The following CLNS1A variants were observed in gnomAD, a reference collection of about 807,000 sequenced individuals.
CLNS1A encodes chloride nucleotide-sensitive channel 1A.
A neutral mutation model predicts 29.4 loss-of-function variants in CLNS1A; 16 were observed. The observed-to-expected ratio is 0.54, with a 90% confidence interval of 0.37 to 0.83. CLNS1A has a LOEUF of 0.83. Among genes scored for constraint, CLNS1A ranks in the 40% least tolerant of loss-of-function variants. The probability of loss-of-function intolerance (pLI) is 0.00; values close to 1 mark genes in which losing one functional copy is unlikely to be tolerated. For missense variants in CLNS1A, 235 were observed against 287.4 expected (o/e 0.82, Z 1.32); for synonymous variants, 96 against 104.8 (o/e 0.92, Z 0.51).
intron 6 of CLNS1A, among the ~76,000 whole-genome samples, chr11:77,617,326 C>T (rs1181791178): frequency 7.3e-6 from 1 of 137,772 alleles, no homozygotes; most frequent in East Asian, 2.1e-4. Context: ...CCGATTGCAC[C>T]ATTGCACTCC....
rs541462844 is a variant in CLNS1A at position 77,615,915 on chromosome 11, T to C, written c.*803A>G. ...ATGAAAACTAAAAATTGAGAGTTGATAAATATAAGAAATTACTGCTGATCT... is the reference window on the plus strand; with the variant it reads ...ATGAAAACTAAAAATTGAGAGTTGACAAATATAAGAAATTACTGCTGATCT... On this transcript the variant is annotated 3_prime_UTR_variant, in exon 7 of 7. Coordinates refer to ENST00000525428, the MANE Select transcript of CLNS1A (RefSeq NM_001293.3). The C allele has an allele frequency of 6.6e-6, 1 of 152,312 alleles. No homozygotes were observed. Among genetic ancestry groups the C allele is most frequent in the Non-Finnish European group, 1.5e-5 (1 of 68,018 alleles). 9.4% of individuals were successfully genotyped at this position (152,312 alleles called of 1,614,324 possible).
In CLNS1A at chr11:77,619,767, TACC is replaced by T; in HGVS notation, c.647-75_647-73del. ...ACAGGTAGATTCAACTTATAACTTC[TACC>T]AGAAGGAAGCTAGTGCCCTCTGCTG... On this transcript the variant is annotated intron_variant, in intron 5 of 6. Transcript: ENST00000525428. 3.7e-6 allele frequency: 4 copies of T among 1,076,888 alleles called. No individual in the cohort carries two copies. The South Asian group carries it at 3.8e-5, about 10-fold the overall frequency. The allele number at this position is 1,076,888 out of a possible 1,614,324, so 66.7% of individuals were successfully genotyped here. A position where few individuals can be genotyped will look rare whatever the true frequency, so the allele number is the denominator to read the frequency against.
chr11:77,626,638 CAAA>C (rs1224535034), intron 2 of CLNS1A, among the ~76,000 whole-genome samples: 1 of 133,468 alleles, frequency 7.5e-6, no homozygotes, highest in Non-Finnish European at 1.6e-5. Flanking sequence ...GACTCCATCA[CAAA>C]AAAAAAAAAT....
chr11:77,625,540 A>G (rs1959007819), intron 3 of CLNS1A, 177 bp downstream of exon 3: 1 of 564,238 alleles, frequency 1.8e-6, no homozygotes, highest in African/African-American at 1.9e-5. Flanking sequence ...ACAACCTTTG[A>G]TATTAATAGG....
At position 77,632,029 on chromosome 11, in the gene CLNS1A, G is replaced by A. The variant is rs531784806; in HGVS notation, c.126-2130C>T. 5.4e-4 allele frequency among the ~76,000 whole-genome samples: 82 copies of A among 152,288 alleles called. 1 individual carries two copies. The highest frequency in any genetic ancestry group is 9.6e-4 in the East Asian group (5 of 5,190). ...CAGTATTACAGGCGTGAGCCACTGCGCCTGGCCTAAAAGTGATAAATCTTA... is the reference window on the plus strand; with the variant it reads ...CAGTATTACAGGCGTGAGCCACTGCACCTGGCCTAAAAGTGATAAATCTTA... On this transcript the variant is annotated intron_variant, in intron 1 of 6. Coordinates refer to ENST00000525428, the MANE Select transcript of CLNS1A (RefSeq NM_001293.3).
intron 6 of CLNS1A, chr11:77,618,790 AAG>A (rs907236479): frequency 2.6e-4 from 39 of 152,374 alleles, no homozygotes; most frequent in African/African-American, 9.1e-4. Context: ...ATCAGAAGAA[AAG>A]AGAAGGAATT....
At chr11:77,634,584 C>T (rs1293894435) in intron 1 of CLNS1A, among the ~76,000 whole-genome samples, 1 of 151,664 alleles carries the variant, frequency 6.6e-6, no homozygotes, top group East Asian at 1.9e-4. Context: ...ATTAGCTGGG[C>T]GTGGTGGAGC....
chr11:77,625,764 A>ACAT lies in CLNS1A; in HGVS notation c.314_316dup (p.Asp105dup). ...AAATCTAAATTCAGTAATAGGTTCA[A>ACAT]CATCATCATCACTGTCTTCCTCTTC... is the stretch of plus-strand genomic sequence containing the variant. On this transcript the variant is annotated inframe_insertion, in exon 3 of 7. Coordinates refer to ENST00000525428, the MANE Select transcript of CLNS1A (RefSeq NM_001293.3). 6.2e-7 allele frequency: 1 copy of ACAT among 1,611,426 alleles called. No individual in the cohort carries two copies. The highest frequency in any genetic ancestry group is 1.7e-4 in the Middle Eastern group (1 of 6,054).
At chr11:77,617,763 C>T (rs1052122487) in intron 6 of CLNS1A, among the ~76,000 whole-genome samples, 1 of 149,972 alleles carries the variant, frequency 6.7e-6, no homozygotes, top group South Asian at 2.1e-4. Context: ...ACTAAAAATA[C>T]AAAAATTAGC....
chr11:77,628,297 T>G (rs1259514828), intron 2 of CLNS1A, among the ~76,000 whole-genome samples: 1 of 152,232 alleles, frequency 6.6e-6, no homozygotes, highest in Non-Finnish European at 1.5e-5. Flanking sequence ...AGGTTTCGCA[T>G]TTCTGCAAAT....
chr11:77,628,348 G>T (rs997823110), intron 2 of CLNS1A, among the ~76,000 whole-genome samples: 1 of 152,082 alleles, frequency 6.6e-6, no homozygotes, highest in Non-Finnish European at 1.5e-5. Flanking sequence ...TAATATTCTT[G>T]GTTATAAAAT....
At chr11:77,624,637 T>G (rs1254209215) in intron 4 of CLNS1A, among the ~76,000 whole-genome samples, 1 of 152,028 alleles carries the variant, frequency 6.6e-6, no homozygotes, top group African/African-American at 2.4e-5. Flanking sequence ...CTGACCAACA[T>G]GGAGAAACCC....
At chr11:77,637,301 GAGAGAAAGAGAC>G (rs1248527278) in intron 1 of CLNS1A, among the ~76,000 whole-genome samples, 99 of 90,364 alleles carry the variant, frequency 1.1e-3, no homozygotes, top group South Asian at 3.6e-3. Context: ...AAGAAAGAAA[GAGAGAAAGAGAC>G]AGAGAAAGAG....
chr11:77,628,073 C>G (rs750649390), intron 2 of CLNS1A, among the ~76,000 whole-genome samples: 33 of 152,232 alleles, frequency 2.2e-4, no homozygotes, highest in Non-Finnish European at 3.2e-4. Context: ...ATCTGCCCCC[C>G]TTGGCCTCCC....
intron 6 of CLNS1A, among the ~76,000 whole-genome samples, chr11:77,619,223 A>AT (rs1323669980): frequency 6.6e-6 from 1 of 152,168 alleles, no homozygotes; most frequent in African/African-American, 2.4e-5. Context: ...AAGAAGAAAA[A>AT]TTTTTTTAAA....
intron 2 of CLNS1A, among the ~76,000 whole-genome samples, chr11:77,627,874 G>GTGCCCGGCCTAATGACA (rs1959036428): frequency 6.6e-6 from 1 of 152,096 alleles, no homozygotes; most frequent in East Asian, 1.9e-4. Context: ...TGCCCAGGCT[G>GTGCCCGGCCTAATGACA]GAGTGCAGTG....
intron 6 of CLNS1A, among the ~76,000 whole-genome samples, chr11:77,619,004 G>A (rs1347867385): frequency 1.3e-5 from 2 of 152,180 alleles, no homozygotes; most frequent in African/African-American, 4.8e-5. Context: ...TATAAGGTAG[G>A]AGGAAGTTGT....
chr11:77,629,817 G>A lies in CLNS1A; in HGVS notation c.208C>T (p.Arg70Ter), dbSNP rs963821795. 8 of 1,613,414 alleles carry A rather than the reference G, an allele frequency of 5.0e-6. No homozygotes were observed. Among genetic ancestry groups the A allele is most frequent in the East Asian group, 2.2e-5 (1 of 44,884 alleles). Residue 70 changes from arginine to a stop codon, truncating the protein, a stop_gained, in exon 2 of 7, where the codon CGA (arginine) becomes TGA (stop). Coordinates refer to ENST00000525428, the MANE Select transcript of CLNS1A (RefSeq NM_001293.3). LOFTEE classifies it high-confidence loss of function. ...TISLHALSRD[R>*]SDCLGEHLYV... ...AAATGCTCTCCTAGACAGTCACTTC[G>A]GTCCCTGGATAATGCATGTAAACTA...
chr11:77,625,892 T>C, intron 2 of CLNS1A, 74 bp from the exon 3 acceptor site: 1 of 1,192,630 alleles, frequency 8.4e-7, no homozygotes, highest in Non-Finnish European at 1.2e-6. Flanking sequence ...ATCTGAATAT[T>C]GCAATTCAAT....
Sources: allele counts gnomAD v4.1 joint callset (sites outside exome capture counted in the v4.1 genomes callset), GRCh38; gene constraint gnomAD v4.1.1; transcripts MANE v1.5; gene names NCBI Gene and HGNC (gene_info 2026-07-23, HGNC 2026-07-21).